The following PKLR variants were observed in gnomAD, a reference collection of about 807,000 sequenced individuals.
The protein encoded by PKLR is pyruvate kinase L/R.
Under a neutral mutation model 53.6 loss-of-function variants are expected in PKLR, and 38 were observed. That is an observed-to-expected ratio of 0.71 (90% CI 0.55 to 0.93). The LOEUF (loss-of-function observed/expected upper bound fraction) is 0.93. Ranked by LOEUF, PKLR falls within the 40% of genes least tolerant of loss-of-function variation. The probability of loss-of-function intolerance (pLI) is 0.00; values close to 1 mark genes in which losing one functional copy is unlikely to be tolerated. For synonymous variants in PKLR, 328 were observed against 316.2 expected, an observed-to-expected ratio of 1.04 and a Z score of -0.39; for missense variants, 702 against 787.3, an observed-to-expected ratio of 0.89 and a Z score of 1.30.
Position 155,290,580 on chromosome 1 carries a change from T to C in PKLR, c.1717A>G (p.Ile573Val). The change falls in exon 11 of 11, where the codon ATA becomes GTA. Residue 573 changes from isoleucine to valine, a missense_variant. Coordinates refer to ENST00000342741, the MANE Select transcript of PKLR (RefSeq NM_000298.6). Reference protein sequence around the residue: ...GYTNIMRVLSIS With the variant: ...GYTNIMRVLSVS ...GAGGAGGGAGGGGCGTCTCAGGATATGCTTAGCACCCGCATGATGTTGGTG... is the reference window on the plus strand; with the variant it reads ...GAGGAGGGAGGGGCGTCTCAGGATACGCTTAGCACCCGCATGATGTTGGTG... The C allele has an allele frequency of 6.2e-7, 1 of 1,604,806 alleles. No individual in the cohort carries two copies. The highest frequency in any genetic ancestry group is 8.5e-7 in the Non-Finnish European group (1 of 1,171,888).
In PKLR at chr1:155,289,356, C is replaced by T. The variant is rs528228501; in HGVS notation, c.*1216G>A. Reference sequence around the variant, plus strand: ...ATGTGTTACCAATTAATTTTGTTTACCCATTCCTTTATCCATCCCTCCCCT... The same window carrying T: ...ATGTGTTACCAATTAATTTTGTTTATCCATTCCTTTATCCATCCCTCCCCT... On this transcript the variant is annotated 3_prime_UTR_variant, in exon 11 of 11. Coordinates refer to ENST00000342741, the MANE Select transcript of PKLR (RefSeq NM_000298.6). 6.6e-6 allele frequency: 1 copy of T among 152,188 alleles called. No homozygotes were observed. The highest frequency in any genetic ancestry group is 2.4e-5 in the African/African-American group (1 of 41,484). The allele number at this position is 152,188 out of a possible 1,614,324, so 9.4% of individuals were successfully genotyped here.
intron 1 of PKLR, chr1:155,300,793 C>T: frequency 6.7e-7 from 1 of 1,483,364 alleles, no homozygotes; most frequent in Non-Finnish European, 9.3e-7. Context: ...CTCTGAGTCT[C>T]CCCAGGCTTC....
chr1:155,294,151 A>AAAT, intron 7 of PKLR, 84 bp downstream of exon 7: 1 of 1,480,750 alleles, frequency 6.8e-7, no homozygotes, highest in South Asian at 1.1e-5. Context: ...AAACAAAACA[A>AAAT]AATAAACCCC....
At position 155,294,604 on chromosome 1, in the gene PKLR, G is replaced by T; in HGVS notation, c.843C>A (p.Asp281Glu). ...TCCGCACAAAGGAGGCAAAGACGAT[G>T]TCCACCCCATGCTCCACCCCGAAGC... Reference protein sequence around the residue: ...DLRFGVEHGVDIVFASFVRKA... With the variant: ...DLRFGVEHGVEIVFASFVRKA... The change falls in exon 6 of 11, where the codon GAC (aspartate) becomes GAA (glutamate). Residue 281 changes from aspartate to glutamate, a missense_variant. Physicochemically the swap from Asp to Glu is conservative, Grantham distance 45. Around this residue, in one of 2 missense-constraint regions of PKLR, gnomAD observed 519 missense variants for 537.1 expected, o/e 0.97. Coordinates refer to ENST00000342741, the MANE Select transcript of PKLR (RefSeq NM_000298.6). 6.2e-7 allele frequency: 1 copy of T among 1,614,240 alleles called. No individual in the cohort carries two copies. The highest frequency in any genetic ancestry group is 8.5e-7 in the Non-Finnish European group (1 of 1,180,040).
intron 2 of PKLR, among the ~76,000 whole-genome samples, chr1:155,297,093 C>T (rs1380019404): frequency 6.6e-6 from 1 of 152,160 alleles, no homozygotes; most frequent in South Asian, 2.1e-4. Context: ...CTCCCCTTAA[C>T]GTTAGATACC....
the PKLR span, chr1:155,308,486 G>A: frequency 2.3e-6 from 2 of 871,492 alleles, no homozygotes; most frequent in South Asian, 5.3e-5. Context: ...GATCAGAGAC[G>A]TTAAATGATT....
Position 155,293,920 on chromosome 1 carries a change from G to T in PKLR, c.1116+315C>A, listed in dbSNP as rs1200694725. Among the ~76,000 whole-genome samples the T allele has an allele frequency of 6.6e-6, 1 of 152,158 alleles. No individual in the cohort carries two copies. Among genetic ancestry groups the T allele is most frequent in the Non-Finnish European group, 1.5e-5 (1 of 68,022 alleles). ...GGCCGAGGCGAGTAGATCACCTGAG[G>T]TCAGGAGTTCGAGACCAGTCTGGCC... is the stretch of plus-strand genomic sequence containing the variant. On this transcript the variant is annotated intron_variant, in intron 7 of 10. Transcript: ENST00000342741. This position sits in a 1 kb window ranked among gnomAD's most constrained non-coding sequence, Gnocchi z 4.2.
At chr1:155,299,845 A>G (rs986047815) in intron 2 of PKLR, among the ~76,000 whole-genome samples, 1 of 152,038 alleles carries the variant, frequency 6.6e-6, no homozygotes, top group Admixed American at 6.6e-5. Flanking sequence ...TATTTTAAAT[A>G]ATTTATTGTG....
upstream of PKLR, among the ~76,000 whole-genome samples, chr1:155,303,829 A>C (rs564618897): frequency 9.9e-5 from 15 of 152,120 alleles, no homozygotes; most frequent in Non-Finnish European, 2.1e-4. Flanking sequence ...TGGTTGAGGA[A>C]GGCCTCTTTG....
intron 2 of PKLR, among the ~76,000 whole-genome samples, chr1:155,297,775 C>T (rs1261879504): frequency 6.6e-6 from 1 of 152,174 alleles, no homozygotes; most frequent in Admixed American, 6.5e-5. Context: ...TCATGTCTGC[C>T]GCTCTTCCCC....
Position 155,300,090 on chromosome 1 carries a change from G to A in PKLR, c.283+8C>T. 3 of 1,613,334 alleles carry A rather than the reference G, an allele frequency of 1.9e-6. No homozygotes were observed. Among genetic ancestry groups the A allele is most frequent in the Non-Finnish European group, 2.5e-6 (3 of 1,179,606 alleles). On this transcript the variant is annotated splice_region_variant and intron_variant, in intron 2 of 10. Coordinates refer to ENST00000342741, the MANE Select transcript of PKLR (RefSeq NM_000298.6). ...CCTGTGTGGCTGCAGGGGGATGGGA[G>A]TGCTTACCGATGGTGGCAATGATGC...
the PKLR span, among the ~76,000 whole-genome samples, chr1:155,308,299 C>T: frequency 6.6e-6 from 1 of 151,956 alleles, no homozygotes; most frequent in Admixed American, 6.6e-5. Context: ...GAACTCCTGA[C>T]CTCATGATCC....
At position 155,294,137 on chromosome 1, in the gene PKLR, A is replaced by C. The variant is rs1647399977; in HGVS notation, c.1116+98T>G. 12 of 1,405,236 alleles carry C rather than the reference A, an allele frequency of 8.5e-6. No individual in the cohort carries two copies. In the South Asian group the frequency reaches 1.3e-4, roughly 15 times the overall value. 87.0% of individuals were successfully genotyped at this position (1,405,236 alleles called of 1,614,324 possible). A position where few individuals can be genotyped will look rare whatever the true frequency, so the allele number is the denominator to read the frequency against. On this transcript the variant is annotated intron_variant, in intron 7 of 10. Coordinates refer to ENST00000342741, the MANE Select transcript of PKLR (RefSeq NM_000298.6). ...GACAGAGTGAGACTCCGTCTCAAAA[A>C]ACAAAACAAAACAAAATAAACCCCT...
chr1:155,304,208 G>A (rs901469877), upstream of PKLR, among the ~76,000 whole-genome samples: 6 of 152,062 alleles, frequency 3.9e-5, no homozygotes, highest in Non-Finnish European at 7.4e-5. Flanking sequence ...CAAGGCAGGC[G>A]GATCACCTGA....
At chr1:155,303,083 C>A (rs2148222767), upstream of PKLR, among the ~76,000 whole-genome samples, 1 of 152,336 alleles carries the variant, frequency 6.6e-6, no homozygotes, top group East Asian at 1.9e-4. Context: ...TGAGAACATA[C>A]CTGGGTAGAA....
rs749303140 is a variant in PKLR at position 155,294,754 on chromosome 1, T to A, written c.695-2A>T. ...CTTGGGTCACCAGTCCCTCTGGGCC[T>A]GCGGACATGGAAAGAGCCAGCTGCG... On this transcript the variant is annotated splice_acceptor_variant, in intron 5 of 10. Coordinates refer to ENST00000342741, the MANE Select transcript of PKLR (RefSeq NM_000298.6). LOFTEE classifies it high-confidence loss of function. The A allele has an allele frequency of 6.2e-7, 1 of 1,613,750 alleles. No homozygotes were observed. The highest frequency in any genetic ancestry group is 8.5e-7 in the Non-Finnish European group (1 of 1,180,030).
chr1:155,294,624 C>G lies in PKLR; in HGVS notation c.823G>C (p.Gly275Arg), dbSNP rs747549978. ...ACGATGTCCACCCCATGCTCCACCC[C>G]GAAGCGCAGGTCTCGGACGTCCTGC... is the stretch of plus-strand genomic sequence containing the variant. The part of the protein sequence containing the change: ...SEQDVRDLRF[G>R]VEHGVDIVFA... The change falls in exon 6 of 11, where the codon GGG becomes CGG. Residue 275 changes from glycine (G) to arginine (R), a missense_variant. By Grantham distance (125) the Gly-to-Arg change is moderately radical (BLOSUM62 -2). This residue lies in a region of PKLR where 519 missense variants were observed against 537.1 expected (regional missense o/e 0.97). Coordinates refer to ENST00000342741, the MANE Select transcript of PKLR (RefSeq NM_000298.6). 5 of 1,614,200 alleles carry G rather than the reference C, an allele frequency of 3.1e-6. No individual in the cohort carries two copies. Among genetic ancestry groups the G allele is most frequent in the Admixed American group, 1.7e-5 (1 of 60,032 alleles).
chr1:155,294,354 T>G lies in PKLR; in HGVS notation c.997A>C (p.Ile333Leu). ...FDEILEVSDG[I>L]MVARGDLGIE... ...CCTAGGTCCCCCCGTGCCACCATGA[T>G]GCCGTCGCTCACCTCCAGGATTTCA... Residue 333 changes from isoleucine (I) to leucine (L), a missense_variant, in exon 7 of 11, where the codon ATC becomes CTC. By Grantham distance (5) the Ile-to-Leu change is conservative (BLOSUM62 2). Around this residue, in one of 2 missense-constraint regions of PKLR, gnomAD observed 519 missense variants for 537.1 expected, o/e 0.97. Coordinates refer to ENST00000342741, the MANE Select transcript of PKLR (RefSeq NM_000298.6). 6.2e-7 allele frequency: 1 copy of G among 1,614,152 alleles called. No individual in the cohort carries two copies. The highest frequency in any genetic ancestry group is 8.5e-7 in the Non-Finnish European group (1 of 1,180,022).
At chr1:155,292,765 A>C (rs1414382241) in intron 9 of PKLR, among the ~76,000 whole-genome samples, 1 of 152,170 alleles carries the variant, frequency 6.6e-6, no homozygotes, top group African/African-American at 2.4e-5. Flanking sequence ...ATCTCCTGTT[A>C]ATCCTGCCAA....
Sources: gnomAD v4.1 joint callset for allele counts (sites outside exome capture counted in the v4.1 genomes callset) on GRCh38, gnomAD v4.1.1 for gene constraint, gnomAD v4.1.1 regional missense constraint, Gnocchi (gnomAD v3.1) non-coding constraint, MANE v1.5 for transcripts, NCBI Gene and HGNC (gene_info 2026-07-23, HGNC 2026-07-21) for gene names.